Variants in MITF observed in about 807,000 individuals in gnomAD.
MITF encodes the protein microphthalmia-associated transcription factor.
A neutral mutation model predicts 60.5 loss-of-function variants in MITF; 17 were observed. The ratio of observed to expected loss-of-function variants is 0.28; its 90% CI spans 0.19 to 0.42. The LOEUF (loss-of-function observed/expected upper bound fraction) is 0.42. MITF is among the 10% of genes least tolerant of loss of function. The pLI, the probability that MITF is intolerant of heterozygous loss-of-function variation, is 1.00. For synonymous variants in MITF, 260 were observed against 248.5 expected (o/e 1.05, Z -0.43); for missense variants, 622 against 683.5 (o/e 0.91, Z 1.00).
At chr3:69,896,760 T>C (rs1283137399) in intron 2 of MITF, among the ~76,000 whole-genome samples, 1 of 152,176 alleles carries the variant, frequency 6.6e-6, no homozygotes, top group Non-Finnish European at 1.5e-5. Flanking sequence ...TGAATTCATG[T>C]ATGTAAGTAC....
At chr3:69,959,804 G>A (rs891443020) in intron 9 of MITF, among the ~76,000 whole-genome samples, 1 of 152,182 alleles carries the variant, frequency 6.6e-6, no homozygotes, top group African/African-American at 2.4e-5. Context: ...TGATTTCGCT[G>A]TTTAAAATGA....
chr3:69,862,287 A>G (rs1435215438), intron 1 of MITF, among the ~76,000 whole-genome samples: 2 of 152,198 alleles, frequency 1.3e-5, no homozygotes, highest in South Asian at 2.1e-4. Flanking sequence ...TCTGATAGGA[A>G]GACAGGTTGG....
intron 1 of MITF, among the ~76,000 whole-genome samples, chr3:69,853,106 C>A (rs556086623): frequency 6.6e-6 from 1 of 151,996 alleles, no homozygotes; most frequent in South Asian, 2.1e-4. Flanking sequence ...CTGAAAACAG[C>A]AAAATCGTGC....
intron 1 of MITF, among the ~76,000 whole-genome samples, chr3:69,836,834 T>C (rs2063548233): frequency 6.6e-6 from 1 of 152,282 alleles, no homozygotes; most frequent in East Asian, 1.9e-4. Flanking sequence ...GATATATTCA[T>C]GTGTATATTA....
rs564275125 is a variant in MITF at position 69,885,208 on chromosome 3, A to G, written c.354+5825A>G. 2.0e-5 allele frequency among the ~76,000 whole-genome samples: 3 copies of G among 152,202 alleles called. No homozygotes were observed. The East Asian group carries it at 5.8e-4, about 29-fold the overall frequency. ...TGGCGCTCTCTCTTTAAGTAGGAGA[A>G]TCTTTGCCATCTTCTCCATGAGCCC... On this transcript the variant is annotated intron_variant, in intron 2 of 9. Coordinates refer to ENST00000352241, the MANE Select transcript of MITF (RefSeq NM_001354604.2).
intron 1 of MITF, among the ~76,000 whole-genome samples, chr3:69,802,432 TC>T (rs1375581729): frequency 6.6e-6 from 1 of 152,112 alleles, no homozygotes; most frequent in Non-Finnish European, 1.5e-5. Flanking sequence ...TTCATGAAAA[TC>T]CAGGGAGTGA....
intron 1 of MITF, among the ~76,000 whole-genome samples, chr3:69,778,238 C>T (rs1452639269): frequency 1.3e-5 from 2 of 152,108 alleles, no homozygotes; most frequent in Non-Finnish European, 2.9e-5. Flanking sequence ...GTAGACAAAA[C>T]AGATTGGGGA....
At chr3:69,759,751 A>G (rs2062183393) in intron 1 of MITF, among the ~76,000 whole-genome samples, 1 of 152,206 alleles carries the variant, frequency 6.6e-6, no homozygotes, top group Non-Finnish European at 1.5e-5. Context: ...AGGGAGCCAC[A>G]TTAATAAAGC....
intron 2 of MITF, among the ~76,000 whole-genome samples, chr3:69,920,058 C>T (rs1341331667): frequency 6.6e-6 from 1 of 152,028 alleles, no homozygotes; most frequent in Non-Finnish European, 1.5e-5. Context: ...TATAATAATC[C>T]TCTCTCTGTA....
chr3:69,962,605 A>G (rs2107546241), intron 9 of MITF, among the ~76,000 whole-genome samples: 1 of 152,280 alleles, frequency 6.6e-6, no homozygotes, highest in East Asian at 1.9e-4. Flanking sequence ...ACTTGCTTCA[A>G]ATTTATATTC....
intron 1 of MITF, among the ~76,000 whole-genome samples, chr3:69,860,499 G>A (rs1319222920): frequency 6.6e-6 from 1 of 151,232 alleles, no homozygotes; most frequent in Non-Finnish European, 1.5e-5. Context: ...TCGGGAGGCT[G>A]AGGCAGGAGA....
At chr3:69,873,611 C>T (rs1365153541) in intron 1 of MITF, among the ~76,000 whole-genome samples, 1 of 152,150 alleles carries the variant, frequency 6.6e-6, no homozygotes, top group Non-Finnish European at 1.5e-5. Flanking sequence ...AGTCTTTCTC[C>T]TTGTGTCCCA....
At chr3:69,772,936 G>A (rs539749918) in intron 1 of MITF, among the ~76,000 whole-genome samples, 4 of 152,300 alleles carry the variant, frequency 2.6e-5, no homozygotes, top group African/African-American at 9.6e-5. Context: ...ACATGGGCAA[G>A]CAGATGTAGA....
At chr3:69,780,429 T>C (rs2062544973) in intron 1 of MITF, among the ~76,000 whole-genome samples, 1 of 152,216 alleles carries the variant, frequency 6.6e-6, no homozygotes, top group Admixed American at 6.5e-5. Context: ...GTGGGTTCTT[T>C]GTTTTCTTGA....
At chr3:69,794,325 G>A (rs2062792958) in intron 1 of MITF, among the ~76,000 whole-genome samples, 1 of 152,136 alleles carries the variant, frequency 6.6e-6, no homozygotes, top group Non-Finnish European at 1.5e-5. Flanking sequence ...AACAAAGCTG[G>A]GCATCAGGCC....
At chr3:69,925,759 G>A (rs1264331988) in intron 2 of MITF, among the ~76,000 whole-genome samples, 1 of 152,142 alleles carries the variant, frequency 6.6e-6, no homozygotes, top group African/African-American at 2.4e-5. Context: ...AATATGCTGG[G>A]CTGCTTCCTA....
chr3:69,757,174 G>C (rs576307231), intron 1 of MITF, among the ~76,000 whole-genome samples: 1 of 152,010 alleles, frequency 6.6e-6, no homozygotes, highest in East Asian at 1.9e-4. Flanking sequence ...TGTGTGCATA[G>C]GAATGAGATT....
At chr3:69,954,585 T>A (rs940905313) in intron 7 of MITF, among the ~76,000 whole-genome samples, 6 of 152,046 alleles carry the variant, frequency 3.9e-5, no homozygotes, top group African/African-American at 1.2e-4. Flanking sequence ...CTGGCTTGCT[T>A]GAGGAATAGC....
chr3:69,768,911 A>C (rs552831679), intron 1 of MITF, among the ~76,000 whole-genome samples: 1 of 152,292 alleles, frequency 6.6e-6, no homozygotes, highest in South Asian at 2.1e-4. Context: ...ATTGCAGCTG[A>C]TGTAGGTGGG....
Sources: gnomAD v4.1 joint callset for allele counts (sites outside exome capture counted in the v4.1 genomes callset) on GRCh38, gnomAD v4.1.1 for gene constraint, MANE v1.5 for transcripts, NCBI Gene and HGNC (gene_info 2026-07-23, HGNC 2026-07-21) for gene names.